Variants in AK8 observed in about 807,000 individuals in gnomAD.
AK8 encodes ATP-AMP transphosphorylase 8.
A neutral mutation model predicts 54.6 loss-of-function variants in AK8; 44 were observed. The ratio of observed to expected loss-of-function variants is 0.81; its 90% CI spans 0.63 to 1.04. The LOEUF is 1.04. AK8 is among the 50% of genes least tolerant of loss of function. The probability of loss-of-function intolerance (pLI) is 0.00; values close to 1 mark genes in which losing one functional copy is unlikely to be tolerated. For synonymous variants in AK8, 239 were observed against 245.6 expected (o/e 0.97, Z 0.25); for missense variants, 555 against 613.6 (o/e 0.90, Z 1.01).
At position 132,848,115 on chromosome 9, in the gene AK8, C is replaced by CAAAAAA. The variant is rs796764891; in HGVS notation, c.402+6736_402+6741dup. On this transcript the variant is annotated intron_variant, in intron 5 of 12. Transcript: ENST00000298545. ...TGGGCAACAGAGCAACACCCTGTTT[C>CAAAAAA]AAAAAAAAAAAAAAAAAAAAAAAAA... Among the ~76,000 whole-genome samples, 21 of 52,546 alleles carry CAAAAAA rather than the reference C, an allele frequency of 4.0e-4. 2 individuals carry two copies. Among genetic ancestry groups the CAAAAAA allele is most frequent in the Non-Finnish European group, 5.2e-4 (15 of 28,920 alleles). The allele number at this position is 52,546 out of a possible 152,430, so 34.5% of individuals were successfully genotyped here. A position where few individuals can be genotyped will look rare whatever the true frequency, so the allele number is the denominator to read the frequency against.
intron 11 of AK8, among the ~76,000 whole-genome samples, chr9:132,785,600 T>A (rs770265678): frequency 6.6e-6 from 1 of 151,788 alleles, no homozygotes; most frequent in South Asian, 2.1e-4. Flanking sequence ...AAAGAAAAGA[T>A]GGAAAACAAA....
chr9:132,827,370 A>C (rs1490237616), intron 7 of AK8: 1 of 419,676 alleles, frequency 2.4e-6, no homozygotes, highest in African/African-American at 2.0e-5. Flanking sequence ...CCATCCCATC[A>C]CCCATTAGGT....
intron 12 of AK8, among the ~76,000 whole-genome samples, chr9:132,726,748 C>T (rs564085853): frequency 1.2e-4 from 18 of 152,242 alleles, no homozygotes; most frequent in Admixed American, 5.9e-4. Context: ...GTACTACAGC[C>T]GTTCACTGTT....
chr9:132,779,268 T>C (rs1452769094), intron 11 of AK8, among the ~76,000 whole-genome samples: 1 of 152,230 alleles, frequency 6.6e-6, no homozygotes, highest in African/African-American at 2.4e-5. Flanking sequence ...TCTTAACATA[T>C]AGACAAATCT....
chr9:132,872,568 C>T (rs531058460), intron 2 of AK8, among the ~76,000 whole-genome samples: 8 of 152,026 alleles, frequency 5.3e-5, no homozygotes, highest in East Asian at 1.9e-4. Flanking sequence ...TGGCCTCAAG[C>T]GATCCTCCTG....
intron 10 of AK8, among the ~76,000 whole-genome samples, chr9:132,793,106 C>T (rs551220364): frequency 2.6e-4 from 40 of 152,272 alleles, no homozygotes; most frequent in African/African-American, 9.1e-4. Flanking sequence ...AGCAAAATCC[C>T]GTAAACTGGG....
Position 132,878,008 on chromosome 9 carries a change from GCC to G in AK8, c.84+162_84+163del. ...GACCAGGAGCGTCCCCAGCTCGAGG[GCC>G]CCCTCGGGGTCACGGCGACACACGA... On this transcript the variant is annotated intron_variant, in intron 1 of 12. Coordinates refer to ENST00000298545, the MANE Select transcript of AK8 (RefSeq NM_152572.3). The surrounding 1 kb of genome is among the most constrained non-coding windows in gnomAD (Gnocchi z 4.7). 6.6e-7 allele frequency: 1 copy of G among 1,509,524 alleles called. No homozygotes were observed. The highest frequency in any genetic ancestry group is 9.0e-7 in the Non-Finnish European group (1 of 1,116,198). 93.5% of individuals were successfully genotyped at this position (1,509,524 alleles called of 1,614,324 possible).
chr9:132,826,939 C>G lies in AK8; in HGVS notation c.672G>C (p.Arg224Ser). ...AGGAGGGAATGACCCTGACGATGTT[C>G]CTATGATACTCCAGCAGTTTCTGAG... The part of the protein sequence containing the change: ...ETAQKLLEYH[R>S]NIVRVIPSYP... The change falls in exon 8 of 13, where the codon AGG becomes AGC. Residue 224 changes from arginine to serine, a missense_variant. Coordinates refer to ENST00000298545, the MANE Select transcript of AK8 (RefSeq NM_152572.3). The surrounding 1 kb of genome is among the most constrained non-coding windows in gnomAD (Gnocchi z 4.5). 1 of 1,614,232 alleles carries G rather than the reference C, an allele frequency of 6.2e-7. No individual in the cohort carries two copies. Among genetic ancestry groups the G allele is most frequent in the Non-Finnish European group, 8.5e-7 (1 of 1,180,048 alleles).
intron 5 of AK8, among the ~76,000 whole-genome samples, chr9:132,833,188 C>A (rs550244962): frequency 9.9e-5 from 15 of 152,284 alleles, no homozygotes; most frequent in African/African-American, 3.4e-4. Context: ...AGGCTTGGGG[C>A]TCAGAAAAGA....
At chr9:132,733,431 TGATA>T (rs1836954050) in intron 11 of AK8, among the ~76,000 whole-genome samples, 1 of 152,210 alleles carries the variant, frequency 6.6e-6, no homozygotes, top group African/African-American at 2.4e-5. Flanking sequence ...TGGAAATCCC[TGATA>T]ATTGAAGCTG....
chr9:132,811,144 A>T (rs1042879417), intron 10 of AK8, among the ~76,000 whole-genome samples: 1 of 152,260 alleles, frequency 6.6e-6, no homozygotes, highest in Non-Finnish European at 1.5e-5. Flanking sequence ...AAAGTGGCAA[A>T]GATTCAAATG....
chr9:132,741,429 T>C (rs1590179149), intron 11 of AK8, among the ~76,000 whole-genome samples: 1 of 152,150 alleles, frequency 6.6e-6, no homozygotes, highest in East Asian at 1.9e-4. Context: ...AACACTGAAG[T>C]CGCTCTGTTT....
intron 5 of AK8, among the ~76,000 whole-genome samples, chr9:132,834,869 CT>C (rs11323499): frequency 0.49 from 68,846 of 140,594 alleles, 16,867 homozygotes; most frequent in South Asian, 0.62. Context: ...CAAGAGGTGC[CT>C]TTTTTTTTTT....
At chr9:132,861,450 T>A (rs747631166) in intron 4 of AK8, 3 of 152,236 alleles carry the variant, frequency 2.0e-5, no homozygotes, top group Non-Finnish European at 4.4e-5. Context: ...TGGCTTGTGC[T>A]TAGTTTTATG....
At chr9:132,778,955 G>A (rs1839343904) in intron 11 of AK8, among the ~76,000 whole-genome samples, 2 of 147,790 alleles carry the variant, frequency 1.4e-5, no homozygotes, top group East Asian at 2.0e-4. Flanking sequence ...GGGGTCATTC[G>A]CCGCATGTGT....
rs1361251705 is a variant in AK8 at position 132,874,968 on chromosome 9, A to G, written c.169+147T>C. 4.9e-6 allele frequency: 5 copies of G among 1,020,534 alleles called. No homozygotes were observed. In the South Asian group the frequency reaches 6.4e-5, roughly 13 times the overall value. The allele number at this position is 1,020,534 out of a possible 1,614,324, so 63.2% of individuals were successfully genotyped here. Reference sequence around the variant, plus strand: ...TTCTGACCTCCCTTCAGACACAGGTAGGACAGAATGGTGCTCAGCTATTCT... The same window carrying G: ...TTCTGACCTCCCTTCAGACACAGGTGGGACAGAATGGTGCTCAGCTATTCT... On this transcript the variant is annotated intron_variant, in intron 2 of 12. Coordinates refer to ENST00000298545, the MANE Select transcript of AK8 (RefSeq NM_152572.3).
intron 11 of AK8, among the ~76,000 whole-genome samples, chr9:132,776,792 C>T (rs751627315): frequency 3.3e-5 from 5 of 152,186 alleles, no homozygotes; most frequent in Non-Finnish European, 7.3e-5. Context: ...GGGCTCTCTT[C>T]CCCCAGCTTT....
chr9:132,871,635 C>T (rs1043158468), intron 2 of AK8, among the ~76,000 whole-genome samples: 32 of 152,168 alleles, frequency 2.1e-4, no homozygotes, highest in Admixed American at 9.2e-4. Flanking sequence ...CAGCTAGAGA[C>T]GGCACGAGGC....
chr9:132,801,641 A>T (rs1231046503), intron 10 of AK8, among the ~76,000 whole-genome samples: 2 of 152,228 alleles, frequency 1.3e-5, no homozygotes, highest in East Asian at 1.9e-4. Flanking sequence ...GGGAGAAGAA[A>T]GTCAGCAGCA....
Sources: allele counts gnomAD v4.1 joint callset (sites outside exome capture counted in the v4.1 genomes callset), GRCh38; gene constraint gnomAD v4.1.1; non-coding constraint Gnocchi (gnomAD v3.1); transcripts MANE v1.5; gene names NCBI Gene and HGNC (gene_info 2026-07-23, HGNC 2026-07-21).